The following RIMS2 variants were observed in gnomAD, a reference collection of about 807,000 sequenced individuals.
The protein encoded by RIMS2 is regulating synaptic membrane exocytosis protein 2.
In RIMS2, 59 loss-of-function variants were observed where a neutral mutation model predicts 174.4. That is an observed-to-expected ratio of 0.34 (90% confidence interval 0.27 to 0.42). The LOEUF (loss-of-function observed/expected upper bound fraction) is 0.42, where lower values mean the gene tolerates loss of function less well. Among genes scored for constraint, RIMS2 ranks in the 10% least tolerant of loss-of-function variants. The probability of loss-of-function intolerance (pLI) is 1.00; values close to 1 mark genes in which losing one functional copy is unlikely to be tolerated. For synonymous variants in RIMS2, 606 were observed against 572.5 expected (o/e 1.06, Z -0.84); for missense variants, 1,620 against 1,666.3 (o/e 0.97, Z 0.48).
Position 103,998,216 on chromosome 8 carries a change from A to T in RIMS2, c.3044+8795A>T, listed in dbSNP as rs375700279. 5 of 1,610,286 alleles carry T rather than the reference A, an allele frequency of 3.1e-6. No individual in the cohort carries two copies. In the African/African-American group the frequency reaches 4.0e-5, roughly 13 times the overall value. ...TCTTACTCTACCTCGCTCCAGATAC[A>T]GTCAGACCATTGACCATCATCACAG... On this transcript the variant is annotated intron_variant, in intron 17 of 23. Transcript: ENST00000504942.
intron 19 of RIMS2, among the ~76,000 whole-genome samples, chr8:104,048,164 T>C (rs924769086): frequency 6.6e-6 from 1 of 151,868 alleles, no homozygotes; most frequent in Non-Finnish European, 1.5e-5. Flanking sequence ...GGCACACAAG[T>C]TGGGAAGATA....
At chr8:103,914,221 G>A (rs1463494768) in intron 6 of RIMS2, among the ~76,000 whole-genome samples, 2 of 152,126 alleles carry the variant, frequency 1.3e-5, no homozygotes, top group African/African-American at 4.8e-5. Context: ...GAGCAAAATA[G>A]TGAGACCCTT....
chr8:103,626,358 G>A (rs2095786241), intron 1 of RIMS2, among the ~76,000 whole-genome samples: 1 of 152,034 alleles, frequency 6.6e-6, no homozygotes, highest in South Asian at 2.1e-4. Flanking sequence ...TATAAAAAAT[G>A]AATAGGGCAG....
intron 1 of RIMS2, among the ~76,000 whole-genome samples, chr8:103,547,211 G>T (rs1333237922): frequency 2.6e-5 from 4 of 152,138 alleles, no homozygotes. Context: ...AAAGTGAGAA[G>T]AACAATAGGG....
chr8:103,821,802 GA>G lies in RIMS2; in HGVS notation c.698+55266del, dbSNP rs796952976. Among the ~76,000 whole-genome samples the G allele has an allele frequency of 1.3e-4, 19 of 151,348 alleles. No homozygotes were observed. The East Asian group carries it at 2.9e-3, about 23-fold the overall frequency. ...AGTAAAGACTTTCCACTTTAGTATA[GA>G]CTAAAAAATTATTCTTGAAGAAAAA... On this transcript the variant is annotated intron_variant, in intron 3 of 23. Coordinates refer to ENST00000504942, the Ensembl canonical transcript of RIMS2.
intron 1 of RIMS2, among the ~76,000 whole-genome samples, chr8:103,692,117 C>T (rs11780689): frequency 0.12 from 17,658 of 152,166 alleles, 1,368 homozygotes; most frequent in Non-Finnish European, 0.17. Context: ...ACAAGTACCC[C>T]TGTGGCCACT....
intron 19 of RIMS2, among the ~76,000 whole-genome samples, chr8:104,193,926 G>C (rs2099010789): frequency 6.6e-6 from 1 of 152,098 alleles, no homozygotes. Flanking sequence ...CTGTCATCTG[G>C]AAGGTTTTTA....
intron 1 of RIMS2, among the ~76,000 whole-genome samples, chr8:103,660,813 G>A (rs6985613): frequency 1.3e-5 from 2 of 152,032 alleles, no homozygotes; most frequent in Non-Finnish European, 2.9e-5. Flanking sequence ...ACAAATGATA[G>A]GTTGCTCAGA....
chr8:104,071,411 C>T (rs1208012661), intron 19 of RIMS2, among the ~76,000 whole-genome samples: 1 of 152,048 alleles, frequency 6.6e-6, no homozygotes, highest in Non-Finnish European at 1.5e-5. Context: ...GGAATAAAAA[C>T]TCTGGAGTTG....
At chr8:104,046,698 T>C (rs2096702345) in intron 19 of RIMS2, among the ~76,000 whole-genome samples, 1 of 152,060 alleles carries the variant, frequency 6.6e-6, no homozygotes, top group Admixed American at 6.6e-5. Context: ...TTACATCCTT[T>C]ATTTGATTAA....
chr8:104,087,754 A>G (rs537893773), intron 19 of RIMS2, among the ~76,000 whole-genome samples: 2 of 152,244 alleles, frequency 1.3e-5, no homozygotes, highest in African/African-American at 4.8e-5. Flanking sequence ...ACTATACCAA[A>G]CTGAAGAGGC....
At chr8:104,138,516 A>G (rs1433031994) in intron 19 of RIMS2, among the ~76,000 whole-genome samples, 1 of 152,092 alleles carries the variant, frequency 6.6e-6, no homozygotes, top group Non-Finnish European at 1.5e-5. Flanking sequence ...GCATTTCTCT[A>G]ATGATTAGTG....
At chr8:103,885,913 G>A (rs1471953513) in exon 4 of RIMS2, 1 of 1,612,872 alleles carries the variant, frequency 6.2e-7, no homozygotes, top group East Asian at 2.2e-5. Context: ...CCCCCAGGAG[G>A]AGTCCACTAC....
intron 3 of RIMS2, chr8:103,819,284 A>C (rs2098736482): frequency 2.2e-6 from 3 of 1,355,546 alleles, no homozygotes; most frequent in Non-Finnish European, 2.8e-6. Flanking sequence ...AGTCAGGAGA[A>C]AGCCGAAAGC....
intron 13 of RIMS2, 30 bp from the exon 16 acceptor site, chr8:103,942,743 A>T (rs760326260): frequency 6.5e-7 from 1 of 1,542,462 alleles, no homozygotes; most frequent in Non-Finnish European, 8.9e-7. Context: ...TTGGTATATT[A>T]TAACCGTCCT....
chr8:103,955,149 A>G (rs13267836), intron 14 of RIMS2, among the ~76,000 whole-genome samples: 1 of 152,322 alleles, frequency 6.6e-6, no homozygotes, highest in African/African-American at 2.4e-5. Context: ...AAATGGATTC[A>G]CAGCCAAATT....
At chr8:104,219,833 A>C (rs956833421) in intron 19 of RIMS2, among the ~76,000 whole-genome samples, 1 of 152,178 alleles carries the variant, frequency 6.6e-6, no homozygotes, top group Non-Finnish European at 1.5e-5. Flanking sequence ...CCAAAACTAC[A>C]TATACTACTT....
intron 2 of RIMS2, among the ~76,000 whole-genome samples, chr8:103,757,752 A>G (rs1267750816): frequency 6.6e-5 from 10 of 152,214 alleles, no homozygotes; most frequent in Admixed American, 5.2e-4. Flanking sequence ...TCATCAGTGC[A>G]TATGTATCTG....
intron 3 of RIMS2, among the ~76,000 whole-genome samples, chr8:103,875,131 T>C (rs528524889): frequency 6.6e-6 from 1 of 152,158 alleles, no homozygotes; most frequent in South Asian, 2.1e-4. Context: ...TTTTTATTTC[T>C]ATAGCTTTAG....
Sources: allele counts gnomAD v4.1 joint callset (sites outside exome capture counted in the v4.1 genomes callset), GRCh38; gene constraint gnomAD v4.1.1; transcripts MANE v1.5; gene names NCBI Gene and HGNC (gene_info 2026-07-23, HGNC 2026-07-21).